The following SPATS1 variants were observed in gnomAD, a reference collection of about 807,000 sequenced individuals.
The protein encoded by SPATS1 is spermatogenesis-associated serine-rich protein 1.
A neutral mutation model predicts 33.6 loss-of-function variants in SPATS1; 23 were observed. The ratio of observed to expected loss-of-function variants is 0.68; its 90% CI spans 0.49 to 0.97. The LOEUF (loss-of-function observed/expected upper bound fraction) is 0.97. Ranked by LOEUF, SPATS1 falls within the 50% of genes least tolerant of loss-of-function variation. SPATS1 has a pLI of 0.00. For missense variants in SPATS1, 327 were observed against 361.0 expected (o/e 0.91, Z 0.76); for synonymous variants, 131 against 125.6 (o/e 1.04, Z -0.29).
intron 2 of SPATS1, 73 bp downstream of exon 2, chr6:44,343,307 A>T: frequency 1.9e-4 from 249 of 1,343,796 alleles, no homozygotes; most frequent in Middle Eastern, 3.7e-4. Context: ...GGGCGGGGGC[A>T]GGTGGGGGGC....
At chr6:44,350,670 T>C (rs1040716389) in intron 2 of SPATS1, among the ~76,000 whole-genome samples, 4 of 152,200 alleles carry the variant, frequency 2.6e-5, no homozygotes, top group Non-Finnish European at 4.4e-5. Flanking sequence ...AAAGGTATTA[T>C]TCACTTGTGA....
rs1789955554 is a variant in SPATS1 at position 44,376,375 on chromosome 6, A to C, written c.776A>C (p.Lys259Thr). 1.9e-6 allele frequency: 3 copies of C among 1,612,680 alleles called. No homozygotes were observed. Among genetic ancestry groups the C allele is most frequent in the Non-Finnish European group, 2.5e-6 (3 of 1,179,484 alleles). The change falls in exon 8 of 9, where the codon AAG becomes ACG. Residue 259 changes from lysine (K) to threonine (T), a missense_variant. Physicochemically the swap from Lys to Thr is moderately conservative, Grantham distance 78. Coordinates refer to ENST00000674044, the MANE Select transcript of SPATS1 (RefSeq NM_001372081.1). ...TCCCACAGCTTGCCTTTCTGGGTGA[A>C]GGAGAAGGCCAACAGTTTGAAAAAT... is the stretch of plus-strand genomic sequence containing the variant. ...PQIPNLPFWVKEKANSLKNEI... is the reference protein window; with the variant it reads ...PQIPNLPFWVTEKANSLKNEI...
rs1788322470 is a variant in SPATS1 at position 44,352,834 on chromosome 6, G to A, written c.248G>A (p.Ser83Asn). The A allele has an allele frequency of 1.2e-6, 2 of 1,614,050 alleles. No homozygotes were observed. The highest frequency in any genetic ancestry group is 1.7e-6 in the Non-Finnish European group (2 of 1,180,024). ...TCTGTGGAAACAGGCCCAAGTGTCA[G>A]TGAGCCTCCTGGCCTCCCCAGAGTG... ...SSSVETGPSVSEPPGLPRVSA... is the reference protein window; with the variant it reads ...SSSVETGPSVNEPPGLPRVSA... Residue 83 changes from serine (S) to asparagine (N), a missense_variant, in exon 3 of 9, where the codon AGT becomes AAT. By Grantham distance (46) the Ser-to-Asn change is conservative (BLOSUM62 1). Coordinates refer to ENST00000674044, the MANE Select transcript of SPATS1 (RefSeq NM_001372081.1).
chr6:44,342,837 G>T (rs146523693), intron 1 of SPATS1, 69 bp downstream of exon 1: 4 of 1,168,034 alleles, frequency 3.4e-6, no homozygotes, highest in Non-Finnish European at 4.7e-6. Context: ...CCCCGAGGTG[G>T]AAAAGAAGGA....
intron 4 of SPATS1, chr6:44,361,628 A>G (rs1300256210): frequency 2.5e-6 from 2 of 796,314 alleles, no homozygotes; most frequent in Non-Finnish European, 1.5e-6. Flanking sequence ...GGCCTCTTAG[A>G]TAGCTCTCCC....
At chr6:44,348,810 C>T (rs1242690591) in intron 2 of SPATS1, among the ~76,000 whole-genome samples, 1 of 152,098 alleles carries the variant, frequency 6.6e-6, no homozygotes, top group Non-Finnish European at 1.5e-5. Context: ...ACCAGCCTGG[C>T]CAATATGTTG....
At chr6:44,372,271 T>G (rs1380909650) in intron 7 of SPATS1, among the ~76,000 whole-genome samples, 2 of 149,490 alleles carry the variant, frequency 1.3e-5, no homozygotes, top group African/African-American at 2.5e-5. Flanking sequence ...AAAAAAAAGA[T>G]TTTTGTTTGC....
At chr6:44,354,179 C>T (rs1788423774) in intron 3 of SPATS1, among the ~76,000 whole-genome samples, 1 of 151,360 alleles carries the variant, frequency 6.6e-6, no homozygotes, top group African/African-American at 2.4e-5. Context: ...CAAAAAAATA[C>T]AAAAATTAGC....
In SPATS1 at chr6:44,377,054, A is replaced by C; in HGVS notation, c.894A>C (p.Arg298Ser). Residue 298 changes from arginine (R) to serine (S), a missense_variant, in exon 9 of 9, where the codon AGA becomes AGC. Transcript: ENST00000674044. ...LHLSGALDFPRQS is the reference protein window; with the variant it reads ...LHLSGALDFPSQS Reference sequence around the variant, plus strand: ...CCACAGGTGCTTTGGACTTTCCAAGACAATCCTGAGCATAAACAGGCCCAC... The same window carrying C: ...CCACAGGTGCTTTGGACTTTCCAAGCCAATCCTGAGCATAAACAGGCCCAC... The C allele has an allele frequency of 1.2e-6, 2 of 1,614,262 alleles. No homozygotes were observed. The highest frequency in any genetic ancestry group is 1.7e-6 in the Non-Finnish European group (2 of 1,180,048).
Position 44,342,708 on chromosome 6 carries a change from C to A in SPATS1, c.-61C>A, listed in dbSNP as rs779162781. 2 of 460,014 alleles carry A rather than the reference C, an allele frequency of 4.3e-6. No homozygotes were observed. Among genetic ancestry groups the A allele is most frequent in the South Asian group, 3.1e-5 (2 of 64,600 alleles). The allele number at this position is 460,014 out of a possible 1,614,324, so 28.5% of individuals were successfully genotyped here. On this transcript the variant is annotated 5_prime_UTR_variant, in exon 1 of 9. Coordinates refer to ENST00000674044, the MANE Select transcript of SPATS1 (RefSeq NM_001372081.1). The stretch of plus-strand genomic sequence containing the variant: ...CGGTGTCCCTTTTGCCCTAGGCTCT[C>A]GGTTCTCAGGCCTCGGCGTGCGGCG...
rs554872261 is a variant in SPATS1 at position 44,353,005 on chromosome 6, C to A, written c.287+132C>A. On this transcript the variant is annotated intron_variant, in intron 3 of 8. Coordinates refer to ENST00000674044, the MANE Select transcript of SPATS1 (RefSeq NM_001372081.1). Reference sequence around the variant, plus strand: ...AGCTAGACTGTGTGGGTTCAAATCCCGGTTCTGCCACTTAGTATCTGTGTG... The same window carrying A: ...AGCTAGACTGTGTGGGTTCAAATCCAGGTTCTGCCACTTAGTATCTGTGTG... The A allele has an allele frequency of 5.0e-5, 46 of 922,906 alleles. No homozygotes were observed. The African/African-American group carries it at 6.7e-4, about 13-fold the overall frequency. The allele number at this position is 922,906 out of a possible 1,614,324, so 57.2% of individuals were successfully genotyped here.
chr6:44,369,021 C>G (rs1389990582), intron 6 of SPATS1, among the ~76,000 whole-genome samples: 1 of 151,586 alleles, frequency 6.6e-6, no homozygotes, highest in Admixed American at 6.6e-5. Flanking sequence ...CTCAGCCTCC[C>G]GAGTAGCTGG....
Position 44,379,493 on chromosome 6 carries a change from G to C in SPATS1, c.*2430G>C, listed in dbSNP as rs768613988. 1.3e-5 allele frequency among the ~76,000 whole-genome samples: 2 copies of C among 150,530 alleles called. No homozygotes were observed. The highest frequency in any genetic ancestry group is 2.0e-4 in the East Asian group (1 of 5,086). Reference sequence around the variant, plus strand: ...ATAGTCCCAGGACTGTACTATACTCGGGAGGCTGAGGCAGGAGAATGGTGT... The same window carrying C: ...ATAGTCCCAGGACTGTACTATACTCCGGAGGCTGAGGCAGGAGAATGGTGT... On this transcript the variant is annotated 3_prime_UTR_variant, in exon 9 of 9. Transcript: ENST00000674044.
chr6:44,343,277 T>TCC (rs1787674622), intron 2 of SPATS1, 43 bp downstream of exon 2: 1 of 1,504,676 alleles, frequency 6.6e-7, no homozygotes, highest in South Asian at 1.1e-5. Context: ...GGTGGCCACA[T>TCC]CCAAGTATAC....
chr6:44,349,602 C>A (rs193260306), intron 2 of SPATS1, among the ~76,000 whole-genome samples: 10 of 152,288 alleles, frequency 6.6e-5, no homozygotes, highest in Admixed American at 1.3e-4. Context: ...CTTTAATTGG[C>A]AGCCTTTGTT....
At chr6:44,364,909 T>C (rs756146998) in intron 5 of SPATS1, among the ~76,000 whole-genome samples, 9 of 152,110 alleles carry the variant, frequency 5.9e-5, no homozygotes, top group Non-Finnish European at 1.3e-4. Context: ...GCAATTCTCA[T>C]GTCTCAGCCT....
chr6:44,351,389 C>T lies in SPATS1; in HGVS notation c.140-1337C>T, dbSNP rs151120731. ...GGGGGTCCTGGAACCAATCCCCCGTCGATACCAAAAGATGACTCTATATGT... is the reference window on the plus strand; with the variant it reads ...GGGGGTCCTGGAACCAATCCCCCGTTGATACCAAAAGATGACTCTATATGT... On this transcript the variant is annotated intron_variant, in intron 2 of 8. Coordinates refer to ENST00000674044, the MANE Select transcript of SPATS1 (RefSeq NM_001372081.1). Among the ~76,000 whole-genome samples, 11 of 152,116 alleles carry T rather than the reference C, an allele frequency of 7.2e-5. No homozygotes were observed. In the East Asian group the frequency reaches 7.7e-4, roughly 11 times the overall value.
intron 6 of SPATS1, 150 bp downstream of exon 6, chr6:44,368,649 TGTC>T: frequency 4.4e-6 from 3 of 677,108 alleles, no homozygotes; most frequent in Non-Finnish European, 6.8e-6. Context: ...AGTTAATTAA[TGTC>T]TGCACACATG....
rs1790128986 is a variant in SPATS1, at chr6:44,379,922, C to G, written c.*2859C>G. 6.6e-6 allele frequency among the ~76,000 whole-genome samples: 1 copy of G among 152,214 alleles called. No homozygotes were observed. Among genetic ancestry groups the G allele is most frequent in the Admixed American group, 6.5e-5 (1 of 15,284 alleles). On this transcript the variant is annotated 3_prime_UTR_variant, in exon 9 of 9. Coordinates refer to ENST00000674044, the MANE Select transcript of SPATS1 (RefSeq NM_001372081.1). ...GATCTGGTGTTCTCTGTGGGTACAT[C>G]TCGATGCCCAGGCCTTATTCCACGG...
Sources: gnomAD v4.1 joint callset for allele counts (sites outside exome capture counted in the v4.1 genomes callset) on GRCh38, gnomAD v4.1.1 for gene constraint, MANE v1.5 for transcripts, NCBI Gene and HGNC (gene_info 2026-07-23, HGNC 2026-07-21) for gene names.